Variants in UBE3D observed in about 807,000 individuals in gnomAD.
The protein encoded by UBE3D is E3 ubiquitin-protein ligase E3D.
UBE3D carries 48 observed loss-of-function variants against 49.6 expected under a neutral mutation model. That is an observed-to-expected ratio of 0.97 (90% CI 0.77 to 1.23). The LOEUF (loss-of-function observed/expected upper bound fraction) is 1.23, where lower values mean the gene tolerates loss of function less well. Among genes scored for constraint, UBE3D ranks in the 50% most tolerant of loss-of-function variants. The probability of loss-of-function intolerance (pLI) is 0.00; values close to 1 mark genes in which losing one functional copy is unlikely to be tolerated. For missense variants in UBE3D, 452 were observed against 468.4 expected (o/e 0.96, Z 0.32); for synonymous variants, 189 against 174.2 (o/e 1.08, Z -0.67).
rs1052495752 is a variant in UBE3D at position 83,009,628 on chromosome 6, A to G, written c.1010+9345T>C. 1.5e-4 allele frequency among the ~76,000 whole-genome samples: 22 copies of G among 142,420 alleles called. No individual in the cohort carries two copies. In the Admixed American group the frequency reaches 1.6e-3, roughly 10 times the overall value. The allele number at this position is 142,420 out of a possible 152,430, so 93.4% of individuals were successfully genotyped here. ...TTCTCACAGAGATTGAGTGAATATT[A>G]TATCTATAAAAAGAGATTATGACAT... On this transcript the variant is annotated intron_variant, in intron 8 of 9. Transcript: ENST00000369747.
At chr6:82,909,825 A>T (rs980154591) in intron 9 of UBE3D, among the ~76,000 whole-genome samples, 22 of 152,196 alleles carry the variant, frequency 1.4e-4, no homozygotes, top group African/African-American at 5.1e-4. Context: ...CGCACTGTGC[A>T]GTTGTTCCTG....
At chr6:82,899,883 A>C (rs1771602680) in intron 9 of UBE3D, among the ~76,000 whole-genome samples, 1 of 148,710 alleles carries the variant, frequency 6.7e-6, no homozygotes, top group Non-Finnish European at 1.5e-5. Context: ...TGGGGCCAAC[A>C]TTGATATAGC....
At chr6:82,931,954 T>C (rs1029468826) in intron 9 of UBE3D, among the ~76,000 whole-genome samples, 2 of 152,156 alleles carry the variant, frequency 1.3e-5, no homozygotes, top group East Asian at 1.9e-4. Flanking sequence ...TGTGAGGTAA[T>C]TGAATCATGG....
intron 9 of UBE3D, 103 bp from the exon 10 acceptor site, chr6:82,893,145 A>C: frequency 4.4e-6 from 6 of 1,352,884 alleles, no homozygotes; most frequent in Non-Finnish European, 6.3e-6. Flanking sequence ...CAATAAGATC[A>C]TATGCTTGTT....
chr6:82,956,855 C>A (rs62430494), intron 9 of UBE3D, among the ~76,000 whole-genome samples: 1 of 152,044 alleles, frequency 6.6e-6, no homozygotes, highest in Non-Finnish European at 1.5e-5. Flanking sequence ...AGGCCGGATG[C>A]GGTGGCTCAT....
chr6:83,026,803 C>T (rs758055974), intron 5 of UBE3D, among the ~76,000 whole-genome samples: 5 of 151,966 alleles, frequency 3.3e-5, no homozygotes, highest in Non-Finnish European at 7.4e-5. Flanking sequence ...GTGATCCTTC[C>T]GCATCAGCCT....
chr6:82,964,347 G>A (rs1439534615), intron 8 of UBE3D, among the ~76,000 whole-genome samples: 1 of 152,038 alleles, frequency 6.6e-6, no homozygotes, highest in Admixed American at 6.6e-5. Context: ...TGTAACACAG[G>A]TTAAAATGAC....
At chr6:82,883,608 C>T in the UBE3D span, among the ~76,000 whole-genome samples, 1 of 152,064 alleles carries the variant, frequency 6.6e-6, no homozygotes, top group Non-Finnish European at 1.5e-5. Context: ...GGAAGCCCCA[C>T]CTGAAAGTTT....
chr6:82,985,008 C>CCTTTTT (rs1442501883), intron 8 of UBE3D, among the ~76,000 whole-genome samples: 14 of 52,988 alleles, frequency 2.6e-4, no homozygotes, highest in Admixed American at 6.2e-4. Context: ...TCTTCTTCTT[C>CCTTTTT]TTTTTTTTTT....
chr6:83,045,713 T>C (rs1782979610), intron 3 of UBE3D, among the ~76,000 whole-genome samples: 1 of 152,164 alleles, frequency 6.6e-6, no homozygotes, highest in Non-Finnish European at 1.5e-5. Context: ...TTAGTTCCCA[T>C]ATACACTTCA....
chr6:83,027,175 C>T (rs571616595), intron 5 of UBE3D, among the ~76,000 whole-genome samples: 3 of 151,838 alleles, frequency 2.0e-5, no homozygotes, highest in Non-Finnish European at 4.4e-5. Flanking sequence ...CAGTGGCTCA[C>T]GCCTGTAATC....
At chr6:82,956,306 G>A (rs1004383172) in intron 9 of UBE3D, among the ~76,000 whole-genome samples, 1 of 152,180 alleles carries the variant, frequency 6.6e-6, no homozygotes, top group Non-Finnish European at 1.5e-5. Context: ...TCGCAGATAT[G>A]TGCAATTACA....
At chr6:83,015,545 C>A (rs529238530) in intron 8 of UBE3D, among the ~76,000 whole-genome samples, 5 of 152,248 alleles carry the variant, frequency 3.3e-5, no homozygotes, top group African/African-American at 1.2e-4. Context: ...TATCCCACAC[C>A]CTTAGTATCC....
At chr6:83,055,817 T>C (rs1368097149) in intron 2 of UBE3D, among the ~76,000 whole-genome samples, 3 of 152,192 alleles carry the variant, frequency 2.0e-5, no homozygotes, top group Admixed American at 1.3e-4. Context: ...AAACACAAAC[T>C]GAAGGCTAAA....
At chr6:82,998,134 C>T (rs780433899) in intron 8 of UBE3D, among the ~76,000 whole-genome samples, 37 of 152,302 alleles carry the variant, frequency 2.4e-4, no homozygotes, top group Non-Finnish European at 4.6e-4. Context: ...ACAAGCACTT[C>T]CTCCCACAAT....
At chr6:82,958,936 A>G (rs1776353701) in intron 8 of UBE3D, among the ~76,000 whole-genome samples, 1 of 152,172 alleles carries the variant, frequency 6.6e-6, no homozygotes, top group Non-Finnish European at 1.5e-5. Context: ...GGCTAGAGGA[A>G]GTAAATTTTC....
At chr6:83,005,681 C>T (rs879798363) in intron 8 of UBE3D, among the ~76,000 whole-genome samples, 31 of 151,126 alleles carry the variant, frequency 2.1e-4, no homozygotes, top group Admixed American at 4.0e-4. Context: ...GAGATATTTG[C>T]ACACCAATGT....
chr6:82,985,012 T>TC (rs1778374492), intron 8 of UBE3D, among the ~76,000 whole-genome samples: 1 of 134,752 alleles, frequency 7.4e-6, no homozygotes, highest in African/African-American at 2.7e-5. Context: ...CTTCTTCTTT[T>TC]TTTTTTTTTT....
chr6:82,997,981 C>A (rs184930405), intron 8 of UBE3D, among the ~76,000 whole-genome samples: 2 of 151,830 alleles, frequency 1.3e-5, no homozygotes, highest in Non-Finnish European at 2.9e-5. Context: ...TTTTTAAGTA[C>A]GGGAATTTTT....
Sources: allele counts gnomAD v4.1 joint callset (sites outside exome capture counted in the v4.1 genomes callset), GRCh38; gene constraint gnomAD v4.1.1; transcripts MANE v1.5; gene names NCBI Gene and HGNC (gene_info 2026-07-23, HGNC 2026-07-21).